Variants in LRP1B observed in about 807,000 individuals in gnomAD.
LRP1B encodes LDL receptor related protein 1B, also known as low-density lipoprotein receptor-related protein 1B.
LRP1B carries 217 observed loss-of-function variants against 556.6 expected under a neutral mutation model. The observed-to-expected ratio is 0.39, with a 90% CI of 0.35 to 0.44. The LOEUF (loss-of-function observed/expected upper bound fraction) is 0.44, where lower values mean the gene tolerates loss of function less well. LRP1B is among the 20% of genes least tolerant of loss of function. The pLI is 1.00. For synonymous variants in LRP1B, 2,047 were observed against 1,865.8 expected (o/e 1.10, Z -2.50); for missense variants, 5,053 against 5,620.8 (o/e 0.90, Z 3.23).
intron 47 of LRP1B, among the ~76,000 whole-genome samples, chr2:140,533,317 T>C (rs1170245476): frequency 6.6e-6 from 1 of 152,164 alleles, no homozygotes; most frequent in African/African-American, 2.4e-5. Context: ...TTTAATTATT[T>C]TTTCTACCTT....
intron 2 of LRP1B, among the ~76,000 whole-genome samples, chr2:141,506,564 A>G (rs879521724): frequency 6.6e-6 from 1 of 152,102 alleles, no homozygotes; most frequent in African/African-American, 2.4e-5. Flanking sequence ...CTCCACTGTT[A>G]CATTACGGGA....
At chr2:141,449,950 A>G (rs1248880414) in intron 3 of LRP1B, among the ~76,000 whole-genome samples, 5 of 152,208 alleles carry the variant, frequency 3.3e-5, no homozygotes, top group Admixed American at 3.3e-4. Flanking sequence ...CAGATATGAC[A>G]ATCAAAAATA....
intron 1 of LRP1B, among the ~76,000 whole-genome samples, chr2:141,992,267 C>G (rs984707539): frequency 6.6e-6 from 1 of 152,014 alleles, no homozygotes; most frequent in African/African-American, 2.4e-5. Context: ...TAGATTTAGC[C>G]TCTCATAATG....
At chr2:141,870,565 A>T (rs1401457185) in intron 1 of LRP1B, among the ~76,000 whole-genome samples, 1 of 152,000 alleles carries the variant, frequency 6.6e-6, no homozygotes, top group African/African-American at 2.4e-5. Flanking sequence ...TATATTTTTA[A>T]AATATATGAA....
chr2:141,031,084 T>C (rs1698355159), intron 11 of LRP1B, among the ~76,000 whole-genome samples: 2 of 151,908 alleles, frequency 1.3e-5, no homozygotes, highest in Non-Finnish European at 2.9e-5. Flanking sequence ...TGGTAAATAC[T>C]AGGAACTTCA....
intron 35 of LRP1B, among the ~76,000 whole-genome samples, chr2:140,763,194 A>T (rs80076129): frequency 0.052 from 7,932 of 152,148 alleles, 290 homozygotes; most frequent in South Asian, 0.11. Flanking sequence ...TAATTTAAAA[A>T]TTTTTCAATC....
intron 3 of LRP1B, among the ~76,000 whole-genome samples, chr2:141,408,267 C>G (rs1245014792): frequency 6.6e-6 from 1 of 151,658 alleles, no homozygotes; most frequent in Non-Finnish European, 1.5e-5. Context: ...CTCAGCCTCC[C>G]AAGTAGCTGG....
intron 2 of LRP1B, among the ~76,000 whole-genome samples, chr2:141,802,530 T>C (rs890622193): frequency 6.6e-6 from 1 of 152,012 alleles, no homozygotes; most frequent in Admixed American, 6.6e-5. Flanking sequence ...TAGCAATTAA[T>C]AAACTGATGA....
chr2:141,171,450 C>T (rs951130803), intron 7 of LRP1B, among the ~76,000 whole-genome samples: 1 of 152,004 alleles, frequency 6.6e-6, no homozygotes, highest in African/African-American at 2.4e-5. Flanking sequence ...TTTTCAGCAC[C>T]AAATTCTATG....
At chr2:140,889,438 G>C (rs1316149549) in intron 23 of LRP1B, among the ~76,000 whole-genome samples, 1 of 152,158 alleles carries the variant, frequency 6.6e-6, no homozygotes, top group Non-Finnish European at 1.5e-5. Context: ...TGTGATTACA[G>C]GCATGTGCTA....
chr2:141,006,287 G>C (rs1386014262), intron 14 of LRP1B, among the ~76,000 whole-genome samples: 1 of 151,852 alleles, frequency 6.6e-6, no homozygotes, highest in Non-Finnish European at 1.5e-5. Context: ...CTTTATGTTG[G>C]GAACATTCAA....
intron 41 of LRP1B, among the ~76,000 whole-genome samples, chr2:140,647,691 C>T (rs1005356716): frequency 2.6e-5 from 4 of 152,110 alleles, no homozygotes; most frequent in Non-Finnish European, 5.9e-5. Flanking sequence ...TGCATTTTTG[C>T]TCATCATCAC....
Position 140,277,815 on chromosome 2 carries a change from G to A in LRP1B, c.12968-3217C>T, listed in dbSNP as rs564142965. On this transcript the variant is annotated intron_variant, in intron 84 of 90. Transcript: ENST00000389484. ...TGTTGGTGCAACCAATTTGGAAAAC[G>A]GTTGGCAATATCTCCTAAGTTTCAG... Among the ~76,000 whole-genome samples, 9 of 151,916 alleles carry A rather than the reference G, an allele frequency of 5.9e-5. No individual in the cohort carries two copies. The East Asian group carries it at 7.8e-4, about 13-fold the overall frequency.
At chr2:140,737,033 C>A (rs1218309765) in intron 35 of LRP1B, among the ~76,000 whole-genome samples, 1 of 152,128 alleles carries the variant, frequency 6.6e-6, no homozygotes, top group Non-Finnish European at 1.5e-5. Context: ...TGCTGTTTAA[C>A]ATCTACAACA....
At chr2:140,769,372 G>A (rs930385934) in intron 34 of LRP1B, 28 bp from the exon 35 acceptor site, 6 of 1,565,006 alleles carry the variant, frequency 3.8e-6, no homozygotes, top group Admixed American at 1.9e-5. Flanking sequence ...GATAAGGGGG[G>A]GAAGGGAAGC....
rs184169265 is a variant in LRP1B, at chr2:141,650,512, G to A, written c.205+159767C>T. 2.0e-5 allele frequency among the ~76,000 whole-genome samples: 3 copies of A among 152,296 alleles called. No homozygotes were observed. In the East Asian group the frequency reaches 5.8e-4, roughly 29 times the overall value. ...AATACACTGACCTGATTACATTTGA[G>A]TTTTTCAAACATTACCATGGCTGCC... is the stretch of plus-strand genomic sequence containing the variant. On this transcript the variant is annotated intron_variant, in intron 2 of 90. Transcript: ENST00000389484.
intron 7 of LRP1B, among the ~76,000 whole-genome samples, chr2:141,183,227 C>T (rs1303638508): frequency 6.6e-6 from 1 of 151,992 alleles, no homozygotes; most frequent in East Asian, 1.9e-4. Flanking sequence ...TGTGCCTGCT[C>T]AGGGAGCCAC....
At chr2:140,275,503 G>A (rs12479092) in intron 84 of LRP1B, among the ~76,000 whole-genome samples, 21 of 152,074 alleles carry the variant, frequency 1.4e-4, no homozygotes, top group Admixed American at 1.4e-3. Flanking sequence ...GGTGAGCAGA[G>A]GACTCATACC....
intron 5 of LRP1B, among the ~76,000 whole-genome samples, chr2:141,246,625 A>G (rs897697460): frequency 2.6e-5 from 4 of 152,190 alleles, no homozygotes; most frequent in Non-Finnish European, 5.9e-5. Flanking sequence ...AGGTAATTCA[A>G]ATCAATTAAT....
Sources: allele counts gnomAD v4.1 joint callset (sites outside exome capture counted in the v4.1 genomes callset), GRCh38; gene constraint gnomAD v4.1.1; transcripts MANE v1.5; gene names NCBI Gene and HGNC (gene_info 2026-07-23, HGNC 2026-07-21).